The following CCDC33 variants were observed in gnomAD, a reference collection of about 807,000 sequenced individuals.
CCDC33 encodes coiled-coil domain-containing protein 33.
CCDC33 carries 94 observed loss-of-function variants against 91.9 expected under a neutral mutation model. The observed-to-expected ratio is 1.02, with a 90% CI of 0.87 to 1.21. The LOEUF (loss-of-function observed/expected upper bound fraction) is 1.21. Among genes scored for constraint, CCDC33 ranks in the 50% most tolerant of loss-of-function variants. The pLI is 0.00. For synonymous variants in CCDC33, 396 were observed against 374.5 expected (o/e 1.06, Z -0.66); for missense variants, 940 against 935.5 (o/e 1.00, Z -0.06).
At chr15:74,272,530 C>T (rs1443296788) in intron 6 of CCDC33, among the ~76,000 whole-genome samples, 2 of 152,242 alleles carry the variant, frequency 1.3e-5, no homozygotes, top group Non-Finnish European at 2.9e-5. Flanking sequence ...TCCCCTACTT[C>T]TCTGTATCTC....
At position 74,255,909 on chromosome 15, in the gene CCDC33, C is replaced by T. The variant is rs147286697; in HGVS notation, c.186-6531C>T. Among the ~76,000 whole-genome samples the T allele has an allele frequency of 3.4e-4, 52 of 152,338 alleles. 4 individuals are homozygous for T. The highest frequency in any genetic ancestry group is 1.3e-3 in the African/African-American group (52 of 41,588). On this transcript the variant is annotated intron_variant, in intron 2 of 18. Transcript: ENST00000398814. ...GCTGCCACTGGCTCAGCAGCCTGGG[C>T]CAGTGAGTTGGCCTGGCAGAGCTTG...
At chr15:74,296,722 G>A (rs2059694927) in intron 11 of CCDC33, among the ~76,000 whole-genome samples, 1 of 152,202 alleles carries the variant, frequency 6.6e-6, no homozygotes, top group Non-Finnish European at 1.5e-5. Context: ...CCTGTTGCTG[G>A]TTGAGCAGAT....
Position 74,285,927 on chromosome 15 carries a change from G to T in CCDC33, c.1095+4078G>T, listed in dbSNP as rs56722793. On this transcript the variant is annotated intron_variant, in intron 10 of 18. Transcript: ENST00000398814. ...TTTATTGCACATTCAGTGGGGACTG[G>T]CCTTTGAGGTCCATTAGGCTCTAAA... 2.5e-4 allele frequency among the ~76,000 whole-genome samples: 38 copies of T among 152,216 alleles called. No homozygotes were observed. The East Asian group carries it at 7.3e-3, about 29-fold the overall frequency.
intron 18 of CCDC33, chr15:74,335,720 C>T (rs1406129832): frequency 1.3e-5 from 7 of 545,672 alleles, no homozygotes; most frequent in Non-Finnish European, 2.3e-5. Context: ...ACAAAGGCAA[C>T]CTTTGCACAC....
intron 1 of CCDC33, among the ~76,000 whole-genome samples, chr15:74,237,085 C>T (rs796205905): frequency 1.1e-4 from 16 of 152,358 alleles, no homozygotes; most frequent in African/African-American, 3.6e-4. Flanking sequence ...CAGGAGATTC[C>T]CAGGCTGCTG....
chr15:74,215,202 G>A (rs372928026), upstream of CCDC33, among the ~76,000 whole-genome samples: 70 of 152,344 alleles, frequency 4.6e-4, no homozygotes, highest in African/African-American at 1.7e-3. Context: ...GGGTAGGGAG[G>A]TGAGAAAGGG....
intron 11 of CCDC33, among the ~76,000 whole-genome samples, chr15:74,297,458 C>T (rs1439604033): frequency 1.3e-5 from 2 of 152,014 alleles, no homozygotes; most frequent in Non-Finnish European, 2.9e-5. Flanking sequence ...TTGGGCAGGC[C>T]GAGGTGGGAG....
intron 10 of CCDC33, among the ~76,000 whole-genome samples, chr15:74,293,294 G>A (rs766595275): frequency 2.5e-4 from 38 of 152,194 alleles, no homozygotes; most frequent in Admixed American, 5.2e-4. Context: ...GAGCAGAAAT[G>A]TCATTATAGG....
chr15:74,329,041 C>T (rs1316636024), intron 11 of CCDC33, among the ~76,000 whole-genome samples: 1 of 152,162 alleles, frequency 6.6e-6, no homozygotes, highest in South Asian at 2.1e-4. Flanking sequence ...TGCCACTGCA[C>T]GATCCTTTTC....
downstream of CCDC33, chr15:74,336,341 G>A: frequency 7.3e-7 from 1 of 1,365,812 alleles, no homozygotes; most frequent in Non-Finnish European, 9.6e-7. Context: ...CAGGGGCCAG[G>A]GAGACGGGCC....
chr15:74,242,796 C>T (rs1384305958), intron 1 of CCDC33, among the ~76,000 whole-genome samples: 1 of 152,118 alleles, frequency 6.6e-6, no homozygotes, highest in Non-Finnish European at 1.5e-5. Flanking sequence ...CACCCCACCG[C>T]GTTTATATGC....
chr15:74,274,410 A>G (rs563041604), intron 7 of CCDC33, among the ~76,000 whole-genome samples: 39 of 152,314 alleles, frequency 2.6e-4, no homozygotes, highest in Non-Finnish European at 4.6e-4. Flanking sequence ...GGATTTTTGG[A>G]GGTCCCTCCT....
chr15:74,313,630 G>A (rs1044484144), intron 11 of CCDC33, among the ~76,000 whole-genome samples: 1 of 151,896 alleles, frequency 6.6e-6, no homozygotes, highest in Non-Finnish European at 1.5e-5. Context: ...ATATTGGCCA[G>A]GATGGTCTCG....
At chr15:74,312,534 C>T (rs928337673) in intron 11 of CCDC33, among the ~76,000 whole-genome samples, 2 of 152,200 alleles carry the variant, frequency 1.3e-5, no homozygotes, top group African/African-American at 4.8e-5. Flanking sequence ...CTGCCCTGCC[C>T]CCGCACCACC....
At chr15:74,217,272 A>T (rs1234303442) in exon 1 of CCDC33, 1 of 1,265,760 alleles carries the variant, frequency 7.9e-7, no homozygotes, top group South Asian at 1.3e-5. Context: ...CTCAGTGGCC[A>T]TGGCATTCAG....
chr15:74,223,754 A>ACACACACACACACG (rs1360063269), intron 2 of CCDC33, among the ~76,000 whole-genome samples: 1 of 104,124 alleles, frequency 9.6e-6, no homozygotes, highest in African/African-American at 3.8e-5. Context: ...ACACACACAC[A>ACACACACACACACG]CACACACACA....
intron 1 of CCDC33, among the ~76,000 whole-genome samples, chr15:74,204,590 C>T (rs1490111246): frequency 1.3e-5 from 2 of 152,202 alleles, no homozygotes; most frequent in South Asian, 4.1e-4. Context: ...GAGCCCACTC[C>T]CTCTACAAGG....
intron 7 of CCDC33, among the ~76,000 whole-genome samples, chr15:74,277,222 G>A (rs1041868406): frequency 6.6e-6 from 1 of 152,256 alleles, no homozygotes; most frequent in African/African-American, 2.4e-5. Flanking sequence ...CCAAAGAGGA[G>A]AAGGGACTTG....
At chr15:74,256,400 C>T (rs899123560) in intron 2 of CCDC33, among the ~76,000 whole-genome samples, 1 of 146,412 alleles carries the variant, frequency 6.8e-6, no homozygotes, top group Non-Finnish European at 1.5e-5. Flanking sequence ...TCCTCCTGCC[C>T]TAAGGCTGCG....
Sources: gnomAD v4.1 joint callset for allele counts (sites outside exome capture counted in the v4.1 genomes callset) on GRCh38, gnomAD v4.1.1 for gene constraint, MANE v1.5 for transcripts, NCBI Gene and HGNC (gene_info 2026-07-23, HGNC 2026-07-21) for gene names.